The following GBP3 variants were observed in gnomAD, a reference collection of about 807,000 sequenced individuals.
The protein encoded by GBP3 is guanylate-binding protein 3.
Under a neutral mutation model 62.4 loss-of-function variants are expected in GBP3, and 55 were observed. The ratio of observed to expected loss-of-function variants is 0.88; its 90% confidence interval spans 0.71 to 1.10. GBP3 has a LOEUF of 1.10. GBP3 is among the 50% of genes least tolerant of loss of function. The pLI, the probability that GBP3 is intolerant of heterozygous loss-of-function variation, is 0.00. For missense variants in GBP3, 605 were observed against 690.6 expected (o/e 0.88, Z 1.39); for synonymous variants, 208 against 259.2 (o/e 0.80, Z 1.90).
chr1:89,012,805 A>G (rs1678640056), intron 6 of GBP3, among the ~76,000 whole-genome samples: 1 of 136,962 alleles, frequency 7.3e-6, no homozygotes, highest in African/African-American at 2.5e-5. Context: ...GTAGCAGTAG[A>G]TTGGGATTTT....
chr1:89,018,089 A>G (rs1678985309), intron 2 of GBP3, among the ~76,000 whole-genome samples: 1 of 152,142 alleles, frequency 6.6e-6, no homozygotes, highest in Non-Finnish European at 1.5e-5. Context: ...AAAAAAAAAA[A>G]AAATTAAAAT....
In GBP3 at chr1:89,015,314, G is replaced by A. The variant is rs771921604; in HGVS notation, c.291C>T (p.Asp97=). The change falls in exon 3 of 11, where the codon GAC becomes GAT. Residue 97 remains aspartate, a synonymous_variant. Transcript: ENST00000370481. ...KKPEHTLVLL[D]TEGLGDVKKG... ...TCTTTACATCTCCCAGGCCCTCAGT[G>A]TCAAGCAGGACTAAGGTGTGTTCTG... 6.2e-7 allele frequency: 1 copy of A among 1,612,244 alleles called. No individual in the cohort carries two copies. Among genetic ancestry groups the A allele is most frequent in the South Asian group, 1.1e-5 (1 of 90,630 alleles).
At chr1:89,017,174 G>A (rs1037551143) in intron 2 of GBP3, among the ~76,000 whole-genome samples, 11 of 152,100 alleles carry the variant, frequency 7.2e-5, no homozygotes, top group Non-Finnish European at 1.6e-4. Context: ...TCAACTAATG[G>A]AGTAAAGTAG....
At chr1:89,021,508 G>GCACACACACA (rs1360476955) in intron 1 of GBP3, among the ~76,000 whole-genome samples, 84 of 53,518 alleles carry the variant, frequency 1.6e-3, no homozygotes, top group Non-Finnish European at 2.7e-3. Context: ...ATGCGCGCGC[G>GCACACACACA]CGCACACACA....
rs1678261180 is a variant in GBP3, at chr1:89,007,166, C to A, written c.*558G>T. On this transcript the variant is annotated 3_prime_UTR_variant, in exon 11 of 11. Coordinates refer to ENST00000370481, the MANE Select transcript of GBP3 (RefSeq NM_018284.3). Reference sequence around the variant, plus strand: ...AGCCAATTTGTTTATGATTCAATTCCTACTCTTGCTAATGATTTCTTTACC... The same window carrying A: ...AGCCAATTTGTTTATGATTCAATTCATACTCTTGCTAATGATTTCTTTACC... 1 of 152,126 alleles carries A rather than the reference C, an allele frequency of 6.6e-6. No individual in the cohort carries two copies. Among genetic ancestry groups the A allele is most frequent in the Admixed American group, 6.5e-5 (1 of 15,278 alleles). 9.4% of individuals were successfully genotyped at this position (152,126 alleles called of 1,614,324 possible). A position where few individuals can be genotyped will look rare whatever the true frequency, so the allele number is the denominator to read the frequency against.
In GBP3 at chr1:89,009,531, A is replaced by G. The variant is rs374604711; in HGVS notation, c.1363-37T>C. ...GAGAACACAGAGTGAGAAGTAGGAA[A>G]TGGCTGTAAGCAGGTTTTCCTGTTC... On this transcript the variant is annotated intron_variant, in intron 8 of 10. Transcript: ENST00000370481. 3.4e-4 allele frequency: 544 copies of G among 1,609,992 alleles called. 1 individual carries two copies. The highest frequency in any genetic ancestry group is 1.8e-3 in the Middle Eastern group (11 of 6,044).
Position 89,007,876 on chromosome 1 carries a change from A to G in GBP3, c.1660-24T>C, listed in dbSNP as rs1474613555. ...TCCTAAAAAGGGACAAATGGAGGCT[A>G]AATAAGTGTAGCATTAAGTAAATCT... On this transcript the variant is annotated intron_variant, in intron 10 of 10. Transcript: ENST00000370481. The G allele has an allele frequency of 1.9e-6, 3 of 1,605,362 alleles. 1 individual carries two copies. The South Asian group carries it at 3.4e-5, about 18-fold the overall frequency.
At position 89,014,228 on chromosome 1, in the gene GBP3, CTCATCAGGTGAGGATTTTGATCGGAT is replaced by C; in HGVS notation, c.454_479del (p.Ile152GlufsTer2). ...AGTCAGCTGAATCCTCATTCTCATTCTCATCAGGTGAGGATTTTGATCGGATTCGATGTGTCAGCTCTGTCACATAG... is the reference window on the plus strand; with the variant it reads ...AGTCAGCTGAATCCTCATTCTCATTCTCGATGTGTCAGCTCTGTCACATAG... On this transcript the variant is annotated frameshift_variant, in exon 5 of 11. Transcript: ENST00000370481. LOFTEE classifies it high-confidence loss of function. 6.2e-7 allele frequency: 1 copy of C among 1,614,174 alleles called. No individual in the cohort carries two copies. The highest frequency in any genetic ancestry group is 8.5e-7 in the Non-Finnish European group (1 of 1,180,018).
intron 10 of GBP3, among the ~76,000 whole-genome samples, chr1:89,008,096 C>T (rs931748088): frequency 7.9e-5 from 12 of 151,732 alleles, no homozygotes; most frequent in African/African-American, 2.2e-4. Context: ...TTGCTTTTTT[C>T]CCCCTATTAA....
intron 1 of GBP3, among the ~76,000 whole-genome samples, chr1:89,021,499 T>TGCGTGC (rs1679188760): frequency 8.4e-6 from 1 of 119,054 alleles, no homozygotes; most frequent in Non-Finnish European, 1.8e-5. Flanking sequence ...GAAACACGCA[T>TGCGTGC]GCGCGCGCGC....
At chr1:89,009,182 G>C in intron 9 of GBP3, 42 bp from the exon 10 acceptor site, 1 of 1,589,332 alleles carries the variant, frequency 6.3e-7, no homozygotes. Flanking sequence ...TTATCTTGTT[G>C]CCTCATTCTT....
intron 8 of GBP3, among the ~76,000 whole-genome samples, chr1:89,010,636 T>C (rs1678503719): frequency 7.2e-6 from 1 of 138,352 alleles, no homozygotes; most frequent in African/African-American, 2.5e-5. Context: ...GGTCTTAAAC[T>C]CCTGAGCTCA....
In GBP3 at chr1:89,006,755, A is replaced by G. The variant is rs976864499; in HGVS notation, c.*969T>C. The G allele has an allele frequency of 6.6e-6, 1 of 152,240 alleles. No individual in the cohort carries two copies. The highest frequency in any genetic ancestry group is 6.5e-5 in the Admixed American group (1 of 15,288). 9.4% of individuals were successfully genotyped at this position (152,240 alleles called of 1,614,324 possible). Reference sequence around the variant, plus strand: ...TGTAAGAAATGTCAACCACTTACCTAGGATGTTTGACAATTGGGATGAAGT... The same window carrying G: ...TGTAAGAAATGTCAACCACTTACCTGGGATGTTTGACAATTGGGATGAAGT... On this transcript the variant is annotated 3_prime_UTR_variant, in exon 11 of 11. Coordinates refer to ENST00000370481, the MANE Select transcript of GBP3 (RefSeq NM_018284.3).
chr1:89,020,944 C>T (rs1217291903), intron 1 of GBP3, among the ~76,000 whole-genome samples: 3 of 152,152 alleles, frequency 2.0e-5, no homozygotes, highest in African/African-American at 7.2e-5. Context: ...CAACAGTCAA[C>T]TACTCTTGCA....
At position 89,014,139 on chromosome 1, in the gene GBP3, T is replaced by C; in HGVS notation, c.569A>G (p.Asp190Gly). The C allele has an allele frequency of 6.2e-7, 1 of 1,614,192 alleles. No homozygotes were observed. Among genetic ancestry groups the C allele is most frequent in the Non-Finnish European group, 8.5e-7 (1 of 1,180,020 alleles). The change falls in exon 5 of 11, where the codon GAT (aspartate) becomes GGT (glycine). Residue 190 changes from aspartate to glycine, a missense_variant. Physicochemically the swap from Asp to Gly is moderately conservative, Grantham distance 94. This residue lies in a region of GBP3 where 308 missense variants were observed against 318.0 expected (regional missense o/e 0.97). Transcript: ENST00000370481. Reference protein sequence around the residue: ...LRDFSLDLEADGQPLTPDEYL... With the variant: ...LRDFSLDLEAGGQPLTPDEYL... ...CTCATCTGGTGTGAGGGGTTGTCCA[T>C]CTGCTTCCAAGTCCAGGGAGAAATC...
chr1:89,021,688 TTC>T (rs1679226528), intron 1 of GBP3, among the ~76,000 whole-genome samples: 1 of 151,866 alleles, frequency 6.6e-6, no homozygotes, highest in East Asian at 1.9e-4. Context: ...GCTTTAGGTT[TTC>T]TGTTTTGTTC....
chr1:89,010,611 C>T (rs1678502541), intron 8 of GBP3, among the ~76,000 whole-genome samples: 1 of 138,144 alleles, frequency 7.2e-6, no homozygotes, highest in African/African-American at 2.5e-5. Flanking sequence ...CATGTTTCAC[C>T]ATGTTGCTCA....
At position 89,011,252 on chromosome 1, in the gene GBP3, G is replaced by T; in HGVS notation, c.1150-136C>A. 2 of 1,146,844 alleles carry T rather than the reference G, an allele frequency of 1.7e-6. 1 individual carries two copies. Among genetic ancestry groups the T allele is most frequent in the Non-Finnish European group, 2.5e-6 (2 of 801,350 alleles). The allele number at this position is 1,146,844 out of a possible 1,614,324, so 71.0% of individuals were successfully genotyped here. On this transcript the variant is annotated intron_variant, in intron 7 of 10. Transcript: ENST00000370481. Reference sequence around the variant, plus strand: ...CTGACAGACTCCTCAGCAGGACCACGCTCTTACTCCTGACCCCACTTTCTA... The same window carrying T: ...CTGACAGACTCCTCAGCAGGACCACTCTCTTACTCCTGACCCCACTTTCTA...
intron 1 of GBP3, among the ~76,000 whole-genome samples, chr1:89,021,545 C>CA (rs1553178197): frequency 1.6e-3 from 78 of 47,502 alleles, no homozygotes; most frequent in African/African-American, 2.6e-3. Context: ...CACACACACA[C>CA]CCCAAAAAAA....
Sources: allele counts gnomAD v4.1 joint callset (sites outside exome capture counted in the v4.1 genomes callset), GRCh38; gene constraint gnomAD v4.1.1; regional missense constraint gnomAD v4.1.1; transcripts MANE v1.5; gene names NCBI Gene and HGNC (gene_info 2026-07-23, HGNC 2026-07-21).